CACNA1E: variants seen among roughly 807,000 people sequenced by gnomAD.
CACNA1E encodes the protein voltage-dependent R-type calcium channel subunit alpha-1E.
A neutral mutation model predicts 259.2 loss-of-function variants in CACNA1E; 40 were observed. The observed-to-expected ratio is 0.15, with a 90% CI of 0.12 to 0.20. The LOEUF (loss-of-function observed/expected upper bound fraction) is 0.20. Among genes scored for constraint, CACNA1E ranks in the 10% least tolerant of loss-of-function variants. The pLI, the probability that CACNA1E is intolerant of heterozygous loss-of-function variation, is 1.00. For missense variants in CACNA1E, 1,874 were observed against 3,040.1 expected (o/e 0.62, Z 9.02); for synonymous variants, 1,104 against 1,138.5 (o/e 0.97, Z 0.61).
chr1:181,718,240 CCTTACTCAG>C, intron 12 of CACNA1E, 73 bp downstream of exon 12: 1 of 731,540 alleles, frequency 1.4e-6, no homozygotes, highest in Non-Finnish European at 2.4e-6. Context: ...GCAGCTTGCT[CCTTACTCAG>C]CATGAGGCAC....
At chr1:181,764,896 T>C (rs571181530) in intron 34 of CACNA1E, among the ~76,000 whole-genome samples, 24 of 152,264 alleles carry the variant, frequency 1.6e-4, no homozygotes, top group African/African-American at 5.5e-4. Context: ...CATACACTAT[T>C]GAGGGCAAAG....
At chr1:181,659,611 G>C (rs1647410679) in intron 7 of CACNA1E, among the ~76,000 whole-genome samples, 1 of 152,192 alleles carries the variant, frequency 6.6e-6, no homozygotes, top group South Asian at 2.1e-4. Context: ...CAGTTGAGCT[G>C]TCTCAAAACC....
At chr1:181,601,901 C>T (rs556272171) in intron 6 of CACNA1E, among the ~76,000 whole-genome samples, 1 of 152,328 alleles carries the variant, frequency 6.6e-6, no homozygotes, top group East Asian at 1.9e-4. Flanking sequence ...TTGCCTTAAT[C>T]TGCTCCAGCA....
chr1:181,628,319 G>A lies in CACNA1E; in HGVS notation c.952-23019G>A, dbSNP rs185298531. Among the ~76,000 whole-genome samples, 216 of 152,296 alleles carry A rather than the reference G, an allele frequency of 1.4e-3. 4 individuals carry two copies. Among genetic ancestry groups the A allele is most frequent in the Non-Finnish European group, 2.2e-4 (15 of 68,024 alleles). On this transcript the variant is annotated intron_variant, in intron 6 of 47. Transcript: ENST00000367573. ...TTTACAGAGTGGATACAGTGGCTCT[G>A]TTTCTCAAGAAGGACTCTGTATAAT...
chr1:181,397,601 G>C (rs1656777166), intron 1 of CACNA1E, among the ~76,000 whole-genome samples: 1 of 152,192 alleles, frequency 6.6e-6, no homozygotes, highest in African/African-American at 2.4e-5. Flanking sequence ...CCTGGACAGG[G>C]TGGGGTGTTT....
rs763796830 is a variant in CACNA1E at position 181,798,391 on chromosome 1, C to G, written c.6499C>G (p.Arg2167Gly). 1.2e-6 allele frequency: 2 copies of G among 1,613,264 alleles called. No individual in the cohort carries two copies. Among genetic ancestry groups the G allele is most frequent in the African/African-American group, 2.7e-5 (2 of 74,926 alleles). ...RQLPPVPPKP[R>G]PLLSYSSLIR... is the part of the protein sequence containing the mutation. ...GCTCCCACCCGTCCCGCCAAAGCCCCGGCCCCTCCTTTCCTACAGCTCCCT... is the reference window on the plus strand; with the variant it reads ...GCTCCCACCCGTCCCGCCAAAGCCCGGGCCCCTCCTTTCCTACAGCTCCCT... Residue 2167 changes from arginine (R) to glycine (G), a missense_variant, in exon 48 of 48, where the codon CGG becomes GGG. By Grantham distance (125) the Arg-to-Gly change is moderately radical. Coordinates refer to ENST00000367573, the MANE Select transcript of CACNA1E (RefSeq NM_001205293.3). This position sits in a 1 kb window ranked among gnomAD's most constrained non-coding sequence, Gnocchi z 4.2.
At chr1:181,371,297 C>T (rs1268432022) in intron 1 of CACNA1E, among the ~76,000 whole-genome samples, 1 of 151,618 alleles carries the variant, frequency 6.6e-6, no homozygotes, top group African/African-American at 2.4e-5. Flanking sequence ...TATTTTTTGC[C>T]ATTGCCCAAG....
rs1004525634 is a variant in CACNA1E, at chr1:181,620,804, T to C, written c.952-30534T>C. On this transcript the variant is annotated intron_variant, in intron 6 of 47. Coordinates refer to ENST00000367573, the MANE Select transcript of CACNA1E (RefSeq NM_001205293.3). Reference sequence around the variant, plus strand: ...TAGGTGCCATAAAGTCAGGAAAGGCTCATTCACATAGGAGATTGGGCTTGA... The same window carrying C: ...TAGGTGCCATAAAGTCAGGAAAGGCCCATTCACATAGGAGATTGGGCTTGA... Among the ~76,000 whole-genome samples, 5 of 152,334 alleles carry C rather than the reference T, an allele frequency of 3.3e-5. No individual in the cohort carries two copies. In the East Asian group the frequency reaches 9.6e-4, roughly 29 times the overall value.
chr1:181,525,130 A>T (rs1667262457), intron 3 of CACNA1E, among the ~76,000 whole-genome samples: 1 of 152,224 alleles, frequency 6.6e-6, no homozygotes, highest in Non-Finnish European at 1.5e-5. Flanking sequence ...TTTGAGCTTG[A>T]CAACATTTGA....
chr1:181,433,199 T>A (rs1659836554), intron 2 of CACNA1E, among the ~76,000 whole-genome samples: 1 of 152,132 alleles, frequency 6.6e-6, no homozygotes. Flanking sequence ...TCTCTTTCCA[T>A]CCCCCAACCT....
intron 1 of CACNA1E, among the ~76,000 whole-genome samples, chr1:181,391,939 C>CTGTGTGTGTGTG (rs1227455808): frequency 0.01 from 1,147 of 110,850 alleles, 8 homozygotes; most frequent in Non-Finnish European, 0.014. Flanking sequence ...CTCTCTCTCT[C>CTGTGTGTGTGTG]TCTCTCTGTG....
chr1:181,489,543 T>G (rs1664136959), intron 1 of CACNA1E, among the ~76,000 whole-genome samples: 1 of 152,188 alleles, frequency 6.6e-6, no homozygotes, highest in South Asian at 2.1e-4. Flanking sequence ...TTTCTTGTCA[T>G]TTTTATGATG....
At chr1:181,334,755 C>T (rs868152874) in intron 1 of CACNA1E, among the ~76,000 whole-genome samples, 2 of 152,196 alleles carry the variant, frequency 1.3e-5, no homozygotes, top group Non-Finnish European at 2.9e-5. Context: ...TGCTGCCCTA[C>T]CTGGAGTGTG....
chr1:181,771,589 T>C lies in CACNA1E; in HGVS notation c.4973+205T>C, dbSNP rs1572856119. The C allele has an allele frequency of 1.1e-5, 6 of 555,402 alleles. No individual in the cohort carries two copies. In the East Asian group the frequency reaches 1.2e-4, roughly 11 times the overall value. 34.4% of individuals were successfully genotyped at this position (555,402 alleles called of 1,614,324 possible). On this transcript the variant is annotated intron_variant, in intron 36 of 47. Coordinates refer to ENST00000367573, the MANE Select transcript of CACNA1E (RefSeq NM_001205293.3). ...TTGTCTACAGCCATACCACCATGAA[T>C]GTGCCTGATCTTGTCTGATCTTGGA...
At chr1:181,559,082 A>C (rs1572206900) in intron 3 of CACNA1E, among the ~76,000 whole-genome samples, 1 of 152,246 alleles carries the variant, frequency 6.6e-6, no homozygotes, top group Non-Finnish European at 1.5e-5. Context: ...TTCAAGAAAC[A>C]GAGAAGGCTG....
chr1:181,434,451 C>G (rs933304800), intron 2 of CACNA1E, among the ~76,000 whole-genome samples: 4 of 150,594 alleles, frequency 2.7e-5, no homozygotes, highest in Admixed American at 1.3e-4. Flanking sequence ...AGACAAGTGT[C>G]TGATCTCATG....
intron 7 of CACNA1E, among the ~76,000 whole-genome samples, chr1:181,660,779 G>A: frequency 6.6e-6 from 1 of 152,164 alleles, no homozygotes; most frequent in Non-Finnish European, 1.5e-5. Context: ...CTCCTCCCAA[G>A]GCTGGCTGAC....
chr1:181,390,190 C>G (rs111386205), intron 1 of CACNA1E, among the ~76,000 whole-genome samples: 3 of 152,178 alleles, frequency 2.0e-5, no homozygotes. Flanking sequence ...AGCCACCTTC[C>G]CAAGGGAACA....
chr1:181,631,817 C>T (rs901714474), intron 6 of CACNA1E, among the ~76,000 whole-genome samples: 1 of 152,200 alleles, frequency 6.6e-6, no homozygotes, highest in Admixed American at 6.5e-5. Context: ...CGGGCTTGAC[C>T]ACTTTTTTGC....
Sources: gnomAD v4.1 joint callset for allele counts (sites outside exome capture counted in the v4.1 genomes callset) on GRCh38, gnomAD v4.1.1 for gene constraint, Gnocchi (gnomAD v3.1) non-coding constraint, MANE v1.5 for transcripts, NCBI Gene and HGNC (gene_info 2026-07-23, HGNC 2026-07-21) for gene names.